LEMD1: variants seen among roughly 807,000 people sequenced by gnomAD.
LEMD1 encodes the protein LEM domain-containing protein 1.
A neutral mutation model predicts 17.4 loss-of-function variants in LEMD1; 18 were observed. The ratio of observed to expected loss-of-function variants is 1.04; its 90% CI spans 0.72 to 1.54. The LOEUF (loss-of-function observed/expected upper bound fraction) is 1.54, where lower values mean the gene tolerates loss of function less well. Among genes scored for constraint, LEMD1 ranks in the 40% most tolerant of loss-of-function variants. The pLI, the probability that LEMD1 is intolerant of heterozygous loss-of-function variation, is 0.00. For synonymous variants in LEMD1, 88 were observed against 77.8 expected, an observed-to-expected ratio of 1.13 and a Z score of -0.69; for missense variants, 195 against 210.4, an observed-to-expected ratio of 0.93 and a Z score of 0.45.
At position 205,448,481 on chromosome 1, in the gene LEMD1, C is replaced by T. The variant is rs1352818300; in HGVS notation, c.-39+1387G>A. 6 of 492,564 alleles carry T rather than the reference C, an allele frequency of 1.2e-5. No individual in the cohort carries two copies. The highest frequency in any genetic ancestry group is 4.0e-5 in the African/African-American group (2 of 50,624). The allele number at this position is 492,564 out of a possible 1,614,324, so 30.5% of individuals were successfully genotyped here. On this transcript the variant is annotated intron_variant, in intron 1 of 3. Coordinates refer to the LEMD1 transcript ENST00000367154. This position sits in a 1 kb window ranked among gnomAD's most constrained non-coding sequence, Gnocchi z 4.7. Reference sequence around the variant, plus strand: ...CCCTCACTCCCCTTCTCAGCACCCCCGACCCCAGACCCACCCACACTGCCT... The same window carrying T: ...CCCTCACTCCCCTTCTCAGCACCCCTGACCCCAGACCCACCCACACTGCCT...
chr1:205,424,366 A>G (rs915745033), upstream of LEMD1, among the ~76,000 whole-genome samples: 2 of 152,212 alleles, frequency 1.3e-5, no homozygotes, highest in Non-Finnish European at 2.9e-5. Flanking sequence ...TTTGGGTTTC[A>G]GTGAGCTGAT....
At chr1:205,419,864 C>T (rs1665880886) in intron 2 of LEMD1, among the ~76,000 whole-genome samples, 4 of 152,210 alleles carry the variant, frequency 2.6e-5, no homozygotes, top group Admixed American at 2.6e-4. Flanking sequence ...ACCACAGAGT[C>T]AGGCATTGGA....
intron 1 of LEMD1, among the ~76,000 whole-genome samples, chr1:205,432,665 A>G (rs1167713570): frequency 6.6e-6 from 1 of 152,246 alleles, no homozygotes; most frequent in Non-Finnish European, 1.5e-5. Context: ...ACATACAGCC[A>G]TGGGCAGAAG....
intron 4 of LEMD1, among the ~76,000 whole-genome samples, chr1:205,404,523 C>A (rs1339203547): frequency 6.6e-6 from 1 of 152,080 alleles, no homozygotes; most frequent in Non-Finnish European, 1.5e-5. Flanking sequence ...AGGATTGCAA[C>A]CCCTGCCTTT....
At chr1:205,383,782 T>C (rs1489289936) in intron 5 of LEMD1, among the ~76,000 whole-genome samples, 1 of 151,150 alleles carries the variant, frequency 6.6e-6, no homozygotes, top group Non-Finnish European at 1.5e-5. Flanking sequence ...TACAGGCGCA[T>C]GCCACCACGT....
chr1:205,412,350 G>A (rs1665490835), intron 4 of LEMD1, among the ~76,000 whole-genome samples: 1 of 152,020 alleles, frequency 6.6e-6, no homozygotes, highest in Non-Finnish European at 1.5e-5. Context: ...AATTTGACCT[G>A]GCTTAATGAG....
chr1:205,415,775 C>A (rs1191550313), intron 4 of LEMD1, among the ~76,000 whole-genome samples: 1 of 152,186 alleles, frequency 6.6e-6, no homozygotes, highest in Non-Finnish European at 1.5e-5. Flanking sequence ...GCCAGTTAGG[C>A]CTCACCCCAA....
intron 4 of LEMD1, chr1:205,385,624 A>G (rs556294925): frequency 6.6e-6 from 1 of 152,376 alleles, no homozygotes; most frequent in African/African-American, 2.4e-5. Flanking sequence ...ACAGCTCACT[A>G]TCAAGCATGG....
Position 205,428,339 on chromosome 1 carries a change from G to A in LEMD1, c.-38-7765C>T, listed in dbSNP as rs899116680. Among the ~76,000 whole-genome samples, 4 of 152,114 alleles carry A rather than the reference G, an allele frequency of 2.6e-5. 1 individual carries two copies. Among genetic ancestry groups the A allele is most frequent in the East Asian group, 3.9e-4 (2 of 5,188 alleles). Reference sequence around the variant, plus strand: ...AAAGAGCCCTTGAGGTGCTACGGAGGGGATGAGAGGAAGGGTGCAGGACTG... The same window carrying A: ...AAAGAGCCCTTGAGGTGCTACGGAGAGGATGAGAGGAAGGGTGCAGGACTG... On this transcript the variant is annotated intron_variant, in intron 1 of 3. Coordinates refer to the LEMD1 transcript ENST00000367154.
At chr1:205,420,651 GT>G in intron 1 of LEMD1, 77 bp from the exon 2 acceptor site, 1 of 796,282 alleles carries the variant, frequency 1.3e-6, no homozygotes, top group Non-Finnish European at 2.1e-6. Context: ...CCACATAAGT[GT>G]TTATAATCCT....
rs894166721 is a variant in LEMD1 at position 205,416,214 on chromosome 1, C to G, written c.270+18G>C. On this transcript the variant is annotated intron_variant, in intron 4 of 5. Transcript: ENST00000367153. ...TAATATATGGGTATAAGTATTCAGG[C>G]ATTAGAATGGTACATACTTTTTTGA... The G allele has an allele frequency of 6.7e-6, 10 of 1,482,652 alleles. No homozygotes were observed. Among genetic ancestry groups the G allele is most frequent in the Admixed American group, 5.9e-5 (3 of 50,634 alleles). The allele number at this position is 1,482,652 out of a possible 1,614,324, so 91.8% of individuals were successfully genotyped here. A position where few individuals can be genotyped will look rare whatever the true frequency, so the allele number is the denominator to read the frequency against.
upstream of LEMD1, among the ~76,000 whole-genome samples, chr1:205,424,657 A>G (rs962116695): frequency 3.3e-5 from 5 of 152,194 alleles, no homozygotes; most frequent in Non-Finnish European, 7.3e-5. Context: ...TGAAGCTGAG[A>G]CTTCGAGGAT....
chr1:205,431,265 C>T (rs143353081), intron 1 of LEMD1, among the ~76,000 whole-genome samples: 69 of 152,330 alleles, frequency 4.5e-4, no homozygotes, highest in African/African-American at 1.6e-3. Context: ...TGAATGTCTA[C>T]TTCGTACCCA....
At chr1:205,436,002 G>A (rs1360276109) in intron 1 of LEMD1, 1 of 152,280 alleles carries the variant, frequency 6.6e-6, no homozygotes, top group Non-Finnish European at 1.5e-5. Context: ...AACAGAGAAA[G>A]TTAGAGCTTT....
At chr1:205,428,456 T>C (rs1487548018) in intron 1 of LEMD1, among the ~76,000 whole-genome samples, 1 of 152,206 alleles carries the variant, frequency 6.6e-6, no homozygotes, top group Non-Finnish European at 1.5e-5. Flanking sequence ...GCACTAATTT[T>C]GGTGCTATGA....
chr1:205,406,139 G>A (rs1437902412), intron 4 of LEMD1, among the ~76,000 whole-genome samples: 2 of 152,230 alleles, frequency 1.3e-5, no homozygotes, highest in Non-Finnish European at 1.5e-5. Context: ...CAGTTAGGCT[G>A]CTCGGGGGTC....
chr1:205,407,790 G>A (rs1338165070), intron 4 of LEMD1, among the ~76,000 whole-genome samples: 1 of 152,174 alleles, frequency 6.6e-6, no homozygotes, highest in Non-Finnish European at 1.5e-5. Flanking sequence ...GGGCTGGACT[G>A]AGCCCCTTAA....
intron 1 of LEMD1, among the ~76,000 whole-genome samples, chr1:205,446,548 C>G (rs1666392457): frequency 6.6e-6 from 1 of 152,238 alleles, no homozygotes; most frequent in Admixed American, 6.5e-5. Context: ...CCCGGGCAAA[C>G]TGAACAACAG....
intron 4 of LEMD1, among the ~76,000 whole-genome samples, chr1:205,408,498 C>CTTTTTTTT (rs1558725151): frequency 8.2e-6 from 1 of 121,628 alleles, no homozygotes; most frequent in African/African-American, 3.3e-5. Flanking sequence ...TTCTTTCTTT[C>CTTTTTTTT]TTTCTTTTTT....
Sources: allele counts gnomAD v4.1 joint callset (sites outside exome capture counted in the v4.1 genomes callset), GRCh38; gene constraint gnomAD v4.1.1; non-coding constraint Gnocchi (gnomAD v3.1); transcripts MANE v1.5; gene names NCBI Gene and HGNC (gene_info 2026-07-23, HGNC 2026-07-21).